Variants in LNX1 observed in about 807,000 individuals in gnomAD.
The protein encoded by LNX1 is E3 ubiquitin-protein ligase LNX.
In LNX1, 54 loss-of-function variants were observed where a neutral mutation model predicts 68.4. The observed-to-expected ratio is 0.79, with a 90% CI of 0.63 to 0.99. The LOEUF is 0.99. Ranked by LOEUF, LNX1 falls within the 50% of genes least tolerant of loss-of-function variation. The pLI, the probability that LNX1 is intolerant of heterozygous loss-of-function variation, is 0.00. For missense variants in LNX1, 906 were observed against 926.4 expected (o/e 0.98, Z 0.29); for synonymous variants, 336 against 350.0 (o/e 0.96, Z 0.45).
intron 9 of LNX1, among the ~76,000 whole-genome samples, chr4:53,465,519 A>G (rs1722611704): frequency 6.6e-6 from 1 of 152,182 alleles, no homozygotes; most frequent in South Asian, 2.1e-4. Flanking sequence ...AGCTGCTTTA[A>G]TCTGGGGAGC....
intron 9 of LNX1, among the ~76,000 whole-genome samples, chr4:53,461,806 C>A (rs1191874163): frequency 6.6e-6 from 1 of 152,024 alleles, no homozygotes; most frequent in Non-Finnish European, 1.5e-5. Flanking sequence ...TTTGAATATC[C>A]TTAAAAAACT....
chr4:53,599,954 G>T (rs570854536), intron 2 of LNX1, among the ~76,000 whole-genome samples: 58 of 152,284 alleles, frequency 3.8e-4, no homozygotes, highest in African/African-American at 1.4e-3. Flanking sequence ...AAAGATCTGT[G>T]CTCAGCAGGT....
chr4:53,460,777 G>A lies in LNX1; in HGVS notation c.*130C>T, dbSNP rs932416738. On this transcript the variant is annotated 3_prime_UTR_variant, in exon 11 of 11. Coordinates refer to ENST00000263925, the MANE Select transcript of LNX1 (RefSeq NM_001126328.3). ...GAGGTGTAACTGGCTTTCATTAGATGATCATACTTTTCCTGACATTTTTAC... is the reference window on the plus strand; with the variant it reads ...GAGGTGTAACTGGCTTTCATTAGATAATCATACTTTTCCTGACATTTTTAC... 3 of 949,994 alleles carry A rather than the reference G, an allele frequency of 3.2e-6. No individual in the cohort carries two copies. Among genetic ancestry groups the A allele is most frequent in the African/African-American group, 3.5e-5 (2 of 57,218 alleles). The allele number at this position is 949,994 out of a possible 1,614,324, so 58.8% of individuals were successfully genotyped here. A position where few individuals can be genotyped will look rare whatever the true frequency, so the allele number is the denominator to read the frequency against.
rs149680127 is a variant in LNX1 at position 53,470,152 on chromosome 4, T to G, written c.1892+6601A>C. ...AAAAAGCTTATCCACCATGATCAAG[T>G]GGGCTTCATCCCTGGGATGGAAGGC... On this transcript the variant is annotated intron_variant, in intron 9 of 10. Transcript: ENST00000263925. Among the ~76,000 whole-genome samples, 49 of 152,196 alleles carry G rather than the reference T, an allele frequency of 3.2e-4. No homozygotes were observed. The South Asian group carries it at 5.6e-3, about 17-fold the overall frequency.
chr4:53,496,268 C>A lies in LNX1; in HGVS notation c.1105G>T (p.Ala369Ser), dbSNP rs560389505. Reference protein sequence around the residue: ...QKFRSRNNGQAPDAYRPRDDS... With the variant: ...QKFRSRNNGQSPDAYRPRDDS... ...TCTCGGGGTCTGTAGGCATCCGGGG[C>A]CTGTCCATTGTTCCTGCTGCGGAAC... Residue 369 changes from alanine (A) to serine (S), a missense_variant, in exon 6 of 11, where the codon GCC (alanine) becomes TCC (serine). Ala to Ser is a moderately conservative substitution (Grantham distance 99). Coordinates refer to ENST00000263925, the MANE Select transcript of LNX1 (RefSeq NM_001126328.3). 86 of 1,614,088 alleles carry A rather than the reference C, an allele frequency of 5.3e-5. 1 individual carries two copies. The Admixed American group carries it at 1.0e-3, about 19-fold the overall frequency.
chr4:53,634,862 G>T (rs1734409722), intron 1 of LNX1, among the ~76,000 whole-genome samples: 1 of 151,440 alleles, frequency 6.6e-6, no homozygotes, highest in Non-Finnish European at 1.5e-5. Context: ...AAGAGAGACA[G>T]GGTCTCACTC....
At chr4:53,560,039 A>G (rs992360905) in intron 2 of LNX1, among the ~76,000 whole-genome samples, 3 of 152,168 alleles carry the variant, frequency 2.0e-5, no homozygotes, top group Admixed American at 6.5e-5. Context: ...AGGTTTTGTT[A>G]TTCTTTTCTT....
At chr4:53,487,684 G>T (rs1456510598) in intron 6 of LNX1, among the ~76,000 whole-genome samples, 1 of 152,056 alleles carries the variant, frequency 6.6e-6, no homozygotes, top group African/African-American at 2.4e-5. Flanking sequence ...GATTGCGTGG[G>T]CCCCTTGTTA....
At chr4:53,524,504 G>A (rs1038138825) in intron 2 of LNX1, among the ~76,000 whole-genome samples, 23 of 152,314 alleles carry the variant, frequency 1.5e-4, no homozygotes, top group African/African-American at 4.3e-4. Flanking sequence ...CCAAGTTCAC[G>A]CAGCAAGAAG....
At chr4:53,470,123 C>T (rs1723043121) in intron 9 of LNX1, among the ~76,000 whole-genome samples, 1 of 152,192 alleles carries the variant, frequency 6.6e-6, no homozygotes, top group Non-Finnish European at 1.5e-5. Flanking sequence ...TCCAGCAGCA[C>T]ATCAAAAAGC....
chr4:53,591,570 C>T (rs565060672), upstream of LNX1: 70 of 985,426 alleles, frequency 7.1e-5, no homozygotes, highest in Middle Eastern at 5.2e-4. Context: ...GGTGACATCA[C>T]GGAAGCCCCG....
chr4:53,488,402 C>A (rs548243358), intron 6 of LNX1, among the ~76,000 whole-genome samples: 1 of 152,154 alleles, frequency 6.6e-6, no homozygotes, highest in Admixed American at 6.5e-5. Flanking sequence ...GTCAACTATT[C>A]CTAGTTTTTT....
chr4:53,460,517 A>T lies in LNX1; in HGVS notation c.*390T>A, dbSNP rs977624026. ...GCAACGTTTCTCAGCAATGCATTTT[A>T]AAAAATATTTTAGCTGTAAATTAAA... On this transcript the variant is annotated 3_prime_UTR_variant, in exon 11 of 11. Transcript: ENST00000263925. The T allele has an allele frequency of 4.9e-6, 1 of 205,110 alleles. No homozygotes were observed. Among genetic ancestry groups the T allele is most frequent in the Non-Finnish European group, 9.9e-6 (1 of 100,882 alleles). The allele number at this position is 205,110 out of a possible 1,614,324, so 12.7% of individuals were successfully genotyped here.
intron 9 of LNX1, among the ~76,000 whole-genome samples, chr4:53,473,387 A>G (rs1200105678): frequency 1.3e-5 from 2 of 152,252 alleles, no homozygotes; most frequent in Non-Finnish European, 2.9e-5. Context: ...AATAGCAAAG[A>G]TACAGAATCA....
chr4:53,565,973 A>C (rs1460518353), intron 2 of LNX1, among the ~76,000 whole-genome samples: 8 of 152,114 alleles, frequency 5.3e-5, no homozygotes, highest in Non-Finnish European at 1.0e-4. Flanking sequence ...AAACGAGCAA[A>C]GCCTCCAAGA....
In LNX1 at chr4:53,481,713, G is replaced by T. The variant is rs776723714; in HGVS notation, c.1485+7C>A. On this transcript the variant is annotated splice_region_variant and intron_variant, in intron 7 of 10. Transcript: ENST00000263925. ...CAGGAGCAGGCGACCTGCCCTAGAG[G>T]CCTCACCTTGGGAGTGTTGCTCCTC... 1.2e-6 allele frequency: 2 copies of T among 1,612,780 alleles called. No individual in the cohort carries two copies. Among genetic ancestry groups the T allele is most frequent in the African/African-American group, 1.3e-5 (1 of 74,840 alleles).
intron 2 of LNX1, among the ~76,000 whole-genome samples, chr4:53,515,841 C>T (rs1726736379): frequency 1.3e-5 from 2 of 152,204 alleles, no homozygotes; most frequent in African/African-American, 2.4e-5. Context: ...ATGGAAGGGT[C>T]TCCTAAGAAG....
intron 2 of LNX1, among the ~76,000 whole-genome samples, chr4:53,514,562 T>C (rs1726607668): frequency 6.6e-6 from 1 of 152,166 alleles, no homozygotes; most frequent in Admixed American, 6.5e-5. Flanking sequence ...GAGAACAGTA[T>C]GGGGGAACTG....
intron 9 of LNX1, among the ~76,000 whole-genome samples, chr4:53,473,844 A>G (rs1723393944): frequency 1.3e-5 from 2 of 152,224 alleles, no homozygotes; most frequent in Admixed American, 6.5e-5. Flanking sequence ...GAGAAAAAAG[A>G]GTTGAAAAGG....
Sources: allele counts gnomAD v4.1 joint callset (sites outside exome capture counted in the v4.1 genomes callset), GRCh38; gene constraint gnomAD v4.1.1; transcripts MANE v1.5; gene names NCBI Gene and HGNC (gene_info 2026-07-23, HGNC 2026-07-21).